The following GCNT1 variants were observed in gnomAD, a reference collection of about 807,000 sequenced individuals.
GCNT1 encodes the protein beta-1,3-galactosyl-O-glycosyl-glycoprotein beta-1,6-N-acetylglucosaminyltransferase.
In GCNT1, 16 loss-of-function variants were observed where a neutral mutation model predicts 26.2. The observed-to-expected ratio is 0.61, with a 90% CI of 0.41 to 0.93. The LOEUF is 0.93. GCNT1 is among the 40% of genes least tolerant of loss of function. The pLI is 0.00. For synonymous variants in GCNT1, 183 were observed against 190.8 expected, an observed-to-expected ratio of 0.96 and a Z score of 0.34; for missense variants, 477 against 526.7, an observed-to-expected ratio of 0.91 and a Z score of 0.92.
intron 2 of GCNT1, among the ~76,000 whole-genome samples, chr9:76,480,321 T>G (rs917632045): frequency 4.6e-5 from 7 of 152,168 alleles, no homozygotes; most frequent in African/African-American, 1.7e-4. Flanking sequence ...TGGCTTAGGA[T>G]TGACTTGGCA....
intron 2 of GCNT1, among the ~76,000 whole-genome samples, chr9:76,463,482 GTTC>G (rs1184900180): frequency 3.9e-5 from 6 of 152,148 alleles, no homozygotes; most frequent in Admixed American, 3.9e-4. Flanking sequence ...TTCCTTGATT[GTTC>G]TTCTGTTTCC....
At chr9:76,447,919 C>T (rs1823604451) in intron 1 of GCNT1, among the ~76,000 whole-genome samples, 2 of 152,126 alleles carry the variant, frequency 1.3e-5, no homozygotes, top group Non-Finnish European at 2.9e-5. Context: ...TGCCTCACAA[C>T]TTCTATGCAC....
the GCNT1 span, chr9:76,399,282 G>T: frequency 2.1e-6 from 3 of 1,407,930 alleles, no homozygotes; most frequent in Non-Finnish European, 3.0e-6. Context: ...GACCACCCGT[G>T]GGAGGTCATG....
At chr9:76,487,678 T>C (rs1226647223) in intron 2 of GCNT1, among the ~76,000 whole-genome samples, 1 of 149,000 alleles carries the variant, frequency 6.7e-6, no homozygotes, top group Admixed American at 6.7e-5. Context: ...TCTCTTTTTT[T>C]TCTTCTTCGG....
chr9:76,449,581 C>T (rs925002854), intron 1 of GCNT1, among the ~76,000 whole-genome samples: 1 of 152,150 alleles, frequency 6.6e-6, no homozygotes, highest in South Asian at 2.1e-4. Flanking sequence ...AATTACCATG[C>T]CTTTCCCAGT....
intron 1 of GCNT1, among the ~76,000 whole-genome samples, chr9:76,446,717 A>C (rs1270877715): frequency 3.3e-5 from 5 of 152,214 alleles, no homozygotes; most frequent in Non-Finnish European, 5.9e-5. Context: ...ATAGACACTG[A>C]AAAGAACAAA....
At chr9:76,457,395 C>T (rs1175342103), upstream of GCNT1, among the ~76,000 whole-genome samples, 2 of 152,152 alleles carry the variant, frequency 1.3e-5, no homozygotes, top group African/African-American at 2.4e-5. Context: ...ACTGCAGGCA[C>T]ACGCCACCGC....
intron 1 of GCNT1, among the ~76,000 whole-genome samples, chr9:76,450,322 T>C (rs1264858883): frequency 6.6e-6 from 1 of 152,254 alleles, no homozygotes; most frequent in Non-Finnish European, 1.5e-5. Flanking sequence ...ATGTGCACTT[T>C]TATATTTGTA....
At chr9:76,427,494 T>C (rs1564220214) in intron 1 of GCNT1, among the ~76,000 whole-genome samples, 1 of 152,100 alleles carries the variant, frequency 6.6e-6, no homozygotes, top group African/African-American at 2.4e-5. Context: ...GTAATATACT[T>C]CTGACAGGGG....
chr9:76,477,511 G>A (rs919827458), intron 2 of GCNT1, among the ~76,000 whole-genome samples: 10 of 84,156 alleles, frequency 1.2e-4, no homozygotes, highest in African/African-American at 2.5e-4. Context: ...GGGCGACAGA[G>A]TGAGACTCTG....
Position 76,503,122 on chromosome 9 carries a change from G to A in GCNT1, c.741G>A (p.Met247Ile). 1 of 1,614,190 alleles carries A rather than the reference G, an allele frequency of 6.2e-7. No homozygotes were observed. The highest frequency in any genetic ancestry group is 1.1e-5 in the South Asian group (1 of 91,082). Residue 247 changes from methionine to isoleucine, a missense_variant, in exon 4 of 4, where the codon ATG becomes ATA. By Grantham distance (10) the Met-to-Ile change is conservative. Transcript: ENST00000376730. ...AAAACAACCTGGAAACGGAGAGGATGCCATCCCATAAAGAAGAAAGGTGGA... is the reference window on the plus strand; with the variant it reads ...AAAACAACCTGGAAACGGAGAGGATACCATCCCATAAAGAAGAAAGGTGGA... ...MGENNLETER[M>I]PSHKEERWKK...
At chr9:76,472,629 T>A (rs937615093) in intron 2 of GCNT1, among the ~76,000 whole-genome samples, 1 of 152,236 alleles carries the variant, frequency 6.6e-6, no homozygotes, top group Non-Finnish European at 1.5e-5. Context: ...AAATGCTGAA[T>A]ACCATGTCTC....
At chr9:76,454,761 T>C (rs1823726383), upstream of GCNT1, among the ~76,000 whole-genome samples, 1 of 150,890 alleles carries the variant, frequency 6.6e-6, no homozygotes, top group Non-Finnish European at 1.5e-5. Context: ...ATGTGCCTCT[T>C]CCCCTGCTGT....
At position 76,451,216 on chromosome 9, in the gene GCNT1, T is replaced by G. The variant is rs985890464; in HGVS notation, c.-290+8901T>G. Among the ~76,000 whole-genome samples the G allele has an allele frequency of 2.6e-5, 4 of 152,340 alleles. No individual in the cohort carries two copies. The East Asian group carries it at 7.7e-4, about 29-fold the overall frequency. On this transcript the variant is annotated intron_variant, in intron 1 of 2. Transcript: ENST00000442371. Reference sequence around the variant, plus strand: ...ATTTTGTAGCATTTGTCAAAATAAATCTGGATTTAGGCAAGGGGAGACTTT... The same window carrying G: ...ATTTTGTAGCATTTGTCAAAATAAAGCTGGATTTAGGCAAGGGGAGACTTT...
At chr9:76,501,663 C>T (rs1247044391) in intron 3 of GCNT1, 1 of 152,194 alleles carries the variant, frequency 6.6e-6, no homozygotes, top group East Asian at 1.9e-4. Flanking sequence ...TTCAAAGATT[C>T]TTAGAAGTCA....
chr9:76,471,256 C>T (rs1317076825), intron 2 of GCNT1, among the ~76,000 whole-genome samples: 5 of 152,096 alleles, frequency 3.3e-5, no homozygotes, highest in Non-Finnish European at 7.4e-5. Context: ...GAATTCCTGA[C>T]CTCAGATGAT....
intron 1 of GCNT1, among the ~76,000 whole-genome samples, chr9:76,443,930 A>AAAGG (rs201262371): frequency 0.054 from 4,157 of 77,162 alleles, 135 homozygotes; most frequent in East Asian, 0.089. Flanking sequence ...AGAAAGGAAG[A>AAAGG]AAGGAAGGAA....
chr9:76,482,236 A>G (rs886877134), intron 2 of GCNT1, among the ~76,000 whole-genome samples: 2 of 152,052 alleles, frequency 1.3e-5, no homozygotes, highest in African/African-American at 2.4e-5. Context: ...GCTTCTCCCA[A>G]TGGCCCCCCA....
At chr9:76,502,116 G>C (rs1298608947) in intron 3 of GCNT1, 123 bp from the exon 4 acceptor site, 1 of 168,726 alleles carries the variant, frequency 5.9e-6, no homozygotes, top group East Asian at 1.4e-4. Flanking sequence ...TCATAGCAAA[G>C]AGGACAGTTT....
Sources: allele counts gnomAD v4.1 joint callset (sites outside exome capture counted in the v4.1 genomes callset), GRCh38; gene constraint gnomAD v4.1.1; transcripts MANE v1.5; gene names NCBI Gene and HGNC (gene_info 2026-07-23, HGNC 2026-07-21).